Variants in NBPF3 observed in about 807,000 individuals in gnomAD.
NBPF3 encodes NBPF family member NBPF3.
In NBPF3, 57 loss-of-function variants were observed where a neutral mutation model predicts 78.1. That is an observed-to-expected ratio of 0.73 (90% CI 0.59 to 0.91). The LOEUF is 0.91. NBPF3 is among the 40% of genes least tolerant of loss of function. The pLI is 0.00. For missense variants in NBPF3, 510 were observed against 715.3 expected (o/e 0.71, Z 3.27); for synonymous variants, 182 against 271.7 (o/e 0.67, Z 3.25).
Position 21,469,628 on chromosome 1 carries a change from G to A in NBPF3, c.343+731G>A, listed in dbSNP as rs187290946. ...TAATCCCAGCTACTCAGGAGGCTGA[G>A]GCAGGAGAATCCCTTGCATCCAGGA... is the stretch of plus-strand genomic sequence containing the variant. On this transcript the variant is annotated intron_variant, in intron 3 of 14. Transcript: ENST00000318249. Among the ~76,000 whole-genome samples the A allele has an allele frequency of 4.6e-5, 7 of 152,310 alleles. No individual in the cohort carries two copies. The South Asian group carries it at 6.2e-4, about 14-fold the overall frequency.
chr1:21,443,966 C>G (rs1640813468), intron 1 of NBPF3, among the ~76,000 whole-genome samples: 1 of 152,172 alleles, frequency 6.6e-6, no homozygotes, highest in Non-Finnish European at 1.5e-5. Context: ...ACTAAAATCT[C>G]TTACGGCTGT....
In NBPF3 at chr1:21,468,768, A is replaced by T. The variant is rs774071495; in HGVS notation, c.214A>T (p.Asn72Tyr). 6.2e-7 allele frequency: 1 copy of T among 1,613,938 alleles called. No individual in the cohort carries two copies. The highest frequency in any genetic ancestry group is 8.5e-7 in the Non-Finnish European group (1 of 1,179,828). Residue 72 changes from asparagine to tyrosine, a missense_variant, in exon 3 of 15, where the codon AAC becomes TAC. Around this residue, in one of 5 missense-constraint regions of NBPF3, gnomAD observed 440 missense variants for 478.2 expected, o/e 0.92. Coordinates refer to ENST00000318249, the MANE Select transcript of NBPF3 (RefSeq NM_032264.6). The part of the protein sequence containing the change: ...GPWSGEKAEM[N>Y]ILEINKKSRP... ...TTGGTCCGGTGAGAAGGCAGAGATG[A>T]ACATTCTAGAAATCAACAAGAAATC...
At chr1:21,447,475 T>C (rs1001059592) in intron 2 of NBPF3, among the ~76,000 whole-genome samples, 7 of 152,246 alleles carry the variant, frequency 4.6e-5, no homozygotes, top group African/African-American at 1.7e-4. Context: ...TTTTTGACTT[T>C]CCAAGAATGT....
chr1:21,437,414 G>A, upstream of NBPF3: 1 of 1,151,022 alleles, frequency 8.7e-7, no homozygotes, highest in Non-Finnish European at 1.2e-6. Context: ...GCTCTCAAAC[G>A]TAGGCCTAGA....
In NBPF3 at chr1:21,478,180, G is replaced by A; in HGVS notation, c.1029G>A (p.Gln343=). Residue 343 remains glutamine, a synonymous_variant, in exon 9 of 15, where the codon CAG becomes CAA. Transcript: ENST00000318249. ...LQESEEEEAP[Q]ESWDEGDWTL... is the part of the protein sequence containing the mutation. The stretch of plus-strand genomic sequence containing the variant: ...AGTCTGAAGAGGAGGAAGCCCCCCA[G>A]GAGTCCTGGGATGAAGGTGATTGGA... 2 of 1,614,126 alleles carry A rather than the reference G, an allele frequency of 1.2e-6. No individual in the cohort carries two copies. The highest frequency in any genetic ancestry group is 1.7e-6 in the Non-Finnish European group (2 of 1,180,028).
At chr1:21,449,247 A>G (rs1326309072) in intron 2 of NBPF3, among the ~76,000 whole-genome samples, 1 of 152,092 alleles carries the variant, frequency 6.6e-6, no homozygotes, top group African/African-American at 2.4e-5. Context: ...ACAAGCAGAG[A>G]AGAGATTGCA....
At position 21,476,894 on chromosome 1, in the gene NBPF3, C is replaced by G. The variant is rs1642914101; in HGVS notation, c.993-1250C>G. Among the ~76,000 whole-genome samples the G allele has an allele frequency of 6.6e-6, 1 of 152,184 alleles. No individual in the cohort carries two copies. The highest frequency in any genetic ancestry group is 6.5e-5 in the Admixed American group (1 of 15,276). ...GTTTTCCAACTTGGTTCCATTCTCC[C>G]CGTCACTTTCAGGTACACCAATCAA... On this transcript the variant is annotated intron_variant, in intron 8 of 14. Coordinates refer to ENST00000318249, the MANE Select transcript of NBPF3 (RefSeq NM_032264.6). The surrounding 1 kb of genome is among the most constrained non-coding windows in gnomAD (Gnocchi z 4.1).
intron 2 of NBPF3, among the ~76,000 whole-genome samples, chr1:21,465,410 G>GAC (rs1474057724): frequency 2.6e-5 from 4 of 152,268 alleles, no homozygotes; most frequent in Admixed American, 1.3e-4. Flanking sequence ...TATTTGCACT[G>GAC]ACTTTCCCAG....
chr1:21,441,783 T>C (rs1558470562), intron 1 of NBPF3, among the ~76,000 whole-genome samples: 1 of 151,850 alleles, frequency 6.6e-6, no homozygotes, highest in African/African-American at 2.4e-5. Flanking sequence ...ATTACTAGAC[T>C]GGAGTATATT....
chr1:21,452,695 G>A (rs1339256401), intron 2 of NBPF3, among the ~76,000 whole-genome samples: 2 of 152,266 alleles, frequency 1.3e-5, no homozygotes, highest in Admixed American at 1.3e-4. Flanking sequence ...GGGAAAATGA[G>A]CAGCTGACAG....
intron 1 of NBPF3, among the ~76,000 whole-genome samples, chr1:21,441,239 GAT>G (rs1640627722): frequency 6.6e-6 from 1 of 152,146 alleles, no homozygotes; most frequent in African/African-American, 2.4e-5. Context: ...GTTTGGAGCT[GAT>G]ATGCGTTAGT....
chr1:21,454,105 G>C (rs1641463024), intron 2 of NBPF3: 1 of 152,210 alleles, frequency 6.6e-6, no homozygotes, highest in African/African-American at 2.4e-5. Context: ...TGGAGGACTT[G>C]ATGACATTTC....
At chr1:21,474,025 T>G (rs1004823685) in intron 7 of NBPF3, among the ~76,000 whole-genome samples, 1 of 152,216 alleles carries the variant, frequency 6.6e-6, no homozygotes, top group Non-Finnish European at 1.5e-5. Flanking sequence ...CCTTTGAGTC[T>G]GCTTGGTTAG....
At chr1:21,441,379 T>G (rs1402794384) in intron 1 of NBPF3, among the ~76,000 whole-genome samples, 5 of 152,168 alleles carry the variant, frequency 3.3e-5, no homozygotes, top group Non-Finnish European at 5.9e-5. Context: ...CTTGGAAAAG[T>G]TACTGAAGTA....
chr1:21,481,245 T>C (rs1223093381), intron 12 of NBPF3, among the ~76,000 whole-genome samples: 5 of 151,288 alleles, frequency 3.3e-5, no homozygotes, highest in African/African-American at 1.2e-4. Flanking sequence ...CTTGAGCACA[T>C]TTTATGGAAA....
At chr1:21,472,157 G>A (rs1204805364) in intron 5 of NBPF3, among the ~76,000 whole-genome samples, 1 of 152,242 alleles carries the variant, frequency 6.6e-6, no homozygotes, top group East Asian at 1.9e-4. Context: ...CTTAGTAACT[G>A]TCGGTGAGTG....
chr1:21,471,457 T>C lies in NBPF3; in HGVS notation c.447-112T>C, dbSNP rs1642589073. 4 of 1,528,842 alleles carry C rather than the reference T, an allele frequency of 2.6e-6. No individual in the cohort carries two copies. In the South Asian group the frequency reaches 3.6e-5, roughly 14 times the overall value. The allele number at this position is 1,528,842 out of a possible 1,614,324, so 94.7% of individuals were successfully genotyped here. On this transcript the variant is annotated intron_variant, in intron 4 of 14. Coordinates refer to ENST00000318249, the MANE Select transcript of NBPF3 (RefSeq NM_032264.6). ...CATTTCTTTAAACATGTGCTGACCT[T>C]CTGCTTGGAGGTCTCCTTGAGGACA... is the stretch of plus-strand genomic sequence containing the variant.
Position 21,484,317 on chromosome 1 carries a change from T to C in NBPF3, c.*931T>C, listed in dbSNP as rs2148031742. On this transcript the variant is annotated 3_prime_UTR_variant, in exon 15 of 15. Transcript: ENST00000318249. Reference sequence around the variant, plus strand: ...ATGTAGCTACATTTCTTTAGTTATTTTGAACCCCAAATATTTCCTCATCTT... The same window carrying C: ...ATGTAGCTACATTTCTTTAGTTATTCTGAACCCCAAATATTTCCTCATCTT... 2 of 145,272 alleles carry C rather than the reference T, an allele frequency of 1.4e-5. No individual in the cohort carries two copies. Among genetic ancestry groups the C allele is most frequent in the South Asian group, 4.8e-4 (2 of 4,146 alleles). 9.0% of individuals were successfully genotyped at this position (145,272 alleles called of 1,614,324 possible).
chr1:21,462,242 T>C (rs1288253384), intron 2 of NBPF3, among the ~76,000 whole-genome samples: 2 of 152,210 alleles, frequency 1.3e-5, no homozygotes, highest in Non-Finnish European at 2.9e-5. Context: ...ACAAAGGGGC[T>C]AAGGCGGTGA....
Sources: gnomAD v4.1 joint callset for allele counts (sites outside exome capture counted in the v4.1 genomes callset) on GRCh38, gnomAD v4.1.1 for gene constraint, gnomAD v4.1.1 regional missense constraint, Gnocchi (gnomAD v3.1) non-coding constraint, MANE v1.5 for transcripts, NCBI Gene and HGNC (gene_info 2026-07-23, HGNC 2026-07-21) for gene names.